Variants in LINGO2 observed in about 807,000 individuals in gnomAD.
LINGO2 encodes leucine-rich repeat and immunoglobulin-like domain-containing nogo receptor-interacting protein 2.
In LINGO2, 14 loss-of-function variants were observed where a neutral mutation model predicts 30.6. That is an observed-to-expected ratio of 0.46 (90% CI 0.30 to 0.72). LINGO2 has a LOEUF of 0.72. Among genes scored for constraint, LINGO2 ranks in the 30% least tolerant of loss-of-function variants. The pLI is 0.07. For synonymous variants in LINGO2, 317 were observed against 288.5 expected (o/e 1.10, Z -1.00); for missense variants, 729 against 751.7 (o/e 0.97, Z 0.35).
At chr9:28,364,272 T>C (rs1446342065) in intron 3 of LINGO2, among the ~76,000 whole-genome samples, 1 of 152,202 alleles carries the variant, frequency 6.6e-6, no homozygotes, top group Non-Finnish European at 1.5e-5. Flanking sequence ...ACATTCTTTT[T>C]TGCAAGAGTC....
At chr9:28,379,396 G>A (rs1361331144) in intron 2 of LINGO2, among the ~76,000 whole-genome samples, 1 of 152,032 alleles carries the variant, frequency 6.6e-6, no homozygotes, top group African/African-American at 2.4e-5. Flanking sequence ...AAGTAGAGTG[G>A]TGTGGTTCAA....
chr9:28,003,380 T>G (rs1404403618), intron 5 of LINGO2, among the ~76,000 whole-genome samples: 3 of 139,584 alleles, frequency 2.1e-5, no homozygotes, highest in African/African-American at 5.8e-5. Flanking sequence ...GATAGATAGA[T>G]AGATATAGAG....
chr9:28,137,962 G>T (rs1312297288), intron 4 of LINGO2, among the ~76,000 whole-genome samples: 2 of 152,090 alleles, frequency 1.3e-5, no homozygotes, highest in Non-Finnish European at 2.9e-5. Context: ...ATACATAGCT[G>T]CCATAAGCAA....
At chr9:28,699,401 C>T in the LINGO2 span, among the ~76,000 whole-genome samples, 55 of 152,118 alleles carry the variant, frequency 3.6e-4, no homozygotes, top group African/African-American at 8.4e-4. Context: ...TAATTTCTTA[C>T]GCCTGTCTTA....
the LINGO2 span, among the ~76,000 whole-genome samples, chr9:29,027,804 C>A: frequency 2.6e-5 from 4 of 152,270 alleles, no homozygotes; most frequent in East Asian, 5.8e-4. Context: ...AAGACAATTA[C>A]TTAACTGCCC....
the LINGO2 span, among the ~76,000 whole-genome samples, chr9:29,138,711 A>T: frequency 5.3e-5 from 8 of 152,174 alleles, no homozygotes; most frequent in African/African-American, 1.9e-4. Flanking sequence ...TCCATTTTGC[A>T]TAGGAACAGT....
chr9:28,708,201 G>A, the LINGO2 span, among the ~76,000 whole-genome samples: 81 of 152,164 alleles, frequency 5.3e-4, no homozygotes, highest in African/African-American at 1.6e-3. Context: ...GGCATGTTTC[G>A]CAGGCATTAA....
chr9:28,419,858 A>G (rs1208266207), intron 2 of LINGO2, among the ~76,000 whole-genome samples: 1 of 152,068 alleles, frequency 6.6e-6, no homozygotes, highest in Non-Finnish European at 1.5e-5. Context: ...ATGGACTAAG[A>G]AATGGATTAT....
the LINGO2 span, among the ~76,000 whole-genome samples, chr9:29,060,013 T>C: frequency 3.3e-5 from 5 of 152,088 alleles, no homozygotes; most frequent in Non-Finnish European, 7.4e-5. Context: ...ATTCAACTTC[T>C]AGAAAACTGA....
the LINGO2 span, among the ~76,000 whole-genome samples, chr9:29,085,281 TAAAAAAAAAAAAAA>T: frequency 2.7e-4 from 21 of 77,038 alleles, no homozygotes; most frequent in Non-Finnish European, 4.8e-4. Context: ...CTATGGTAAG[TAAAAAAAAAAAAAA>T]AAAAAAAAAA....
rs78871134 is a variant in LINGO2, at chr9:28,367,613, A to C, written c.-246+5223T>G. 8.6e-3 allele frequency among the ~76,000 whole-genome samples: 1,311 copies of C among 151,874 alleles called. 16 individuals are homozygous for C. The highest frequency in any genetic ancestry group is 0.03 in the African/African-American group (1,245 of 41,288). ...GATTGATACTGAGAAGTCATGGTCTATTCTGGCTCTTACGCTTTTGTAGGT... is the reference window on the plus strand; with the variant it reads ...GATTGATACTGAGAAGTCATGGTCTCTTCTGGCTCTTACGCTTTTGTAGGT... On this transcript the variant is annotated intron_variant, in intron 3 of 5. Coordinates refer to ENST00000379992, the Ensembl canonical transcript of LINGO2.
chr9:28,228,655 A>G (rs1047320162), intron 4 of LINGO2, among the ~76,000 whole-genome samples: 2 of 151,956 alleles, frequency 1.3e-5, no homozygotes, highest in Non-Finnish European at 1.5e-5. Flanking sequence ...GAATAGAGAG[A>G]TATGTTATAA....
At chr9:28,820,246 G>GA in the LINGO2 span, among the ~76,000 whole-genome samples, 52,826 of 138,738 alleles carry the variant, frequency 0.38, 10,232 homozygotes, top group African/African-American at 0.53. Context: ...GAGAAAAGAT[G>GA]AAAAAAAAAA....
chr9:28,163,660 T>C (rs1221972109), intron 4 of LINGO2, among the ~76,000 whole-genome samples: 1 of 152,184 alleles, frequency 6.6e-6, no homozygotes, highest in Non-Finnish European at 1.5e-5. Context: ...TAAGAATACA[T>C]GGTCAAAGAC....
the LINGO2 span, among the ~76,000 whole-genome samples, chr9:29,029,039 T>A: frequency 6.6e-6 from 1 of 152,180 alleles, no homozygotes; most frequent in Non-Finnish European, 1.5e-5. Context: ...CTAGTTAATT[T>A]CATGGCTAAC....
At chr9:29,079,810 G>T in the LINGO2 span, among the ~76,000 whole-genome samples, 12 of 152,054 alleles carry the variant, frequency 7.9e-5, no homozygotes, top group South Asian at 2.5e-3. Context: ...AAAAATAGAA[G>T]ATGAACAAGC....
At chr9:29,024,984 T>C in the LINGO2 span, among the ~76,000 whole-genome samples, 1 of 152,034 alleles carries the variant, frequency 6.6e-6, no homozygotes, top group Admixed American at 6.6e-5. Flanking sequence ...TTATATTGTT[T>C]ATCAAAAAAG....
chr9:28,152,278 T>C (rs1467754805), intron 4 of LINGO2, among the ~76,000 whole-genome samples: 1 of 151,974 alleles, frequency 6.6e-6, no homozygotes, highest in Non-Finnish European at 1.5e-5. Context: ...AAGCTAGTTG[T>C]TAAAAAGAGC....
the LINGO2 span, among the ~76,000 whole-genome samples, chr9:29,075,503 A>G: frequency 3.3e-5 from 5 of 152,216 alleles, no homozygotes; most frequent in African/African-American, 1.2e-4. Flanking sequence ...TCCCCACAAT[A>G]CCGTTTCTTT....
Sources: gnomAD v4.1 joint callset for allele counts (sites outside exome capture counted in the v4.1 genomes callset) on GRCh38, gnomAD v4.1.1 for gene constraint, MANE v1.5 for transcripts, NCBI Gene and HGNC (gene_info 2026-07-23, HGNC 2026-07-21) for gene names.